Variants in UGT8 observed in about 807,000 individuals in gnomAD.
UGT8 encodes the protein 2-hydroxyacylsphingosine 1-beta-galactosyltransferase.
In UGT8, 12 loss-of-function variants were observed where a neutral mutation model predicts 40.5. The observed-to-expected ratio is 0.30, with a 90% CI of 0.19 to 0.48. The LOEUF (loss-of-function observed/expected upper bound fraction) is 0.48. Ranked by LOEUF, UGT8 falls within the 20% of genes least tolerant of loss-of-function variation. The probability of loss-of-function intolerance (pLI) is 0.99; values close to 1 mark genes in which losing one functional copy is unlikely to be tolerated. For missense variants in UGT8, 513 were observed against 648.7 expected, an observed-to-expected ratio of 0.79 and a Z score of 2.27; for synonymous variants, 224 against 240.4, an observed-to-expected ratio of 0.93 and a Z score of 0.63.
intron 2 of UGT8, among the ~76,000 whole-genome samples, chr4:114,640,252 G>A (rs1263756871): frequency 6.6e-6 from 1 of 151,268 alleles, no homozygotes; most frequent in Non-Finnish European, 1.5e-5. Flanking sequence ...GGATGGTCTC[G>A]ATCTCCTGAC....
At chr4:114,628,789 G>T (rs1732402264) in intron 2 of UGT8, among the ~76,000 whole-genome samples, 1 of 148,224 alleles carries the variant, frequency 6.7e-6, no homozygotes, top group African/African-American at 2.5e-5. Flanking sequence ...TGGGACCAGG[G>T]ACTAGACCAG....
intron 2 of UGT8, among the ~76,000 whole-genome samples, chr4:114,624,159 T>A (rs1442083511): frequency 6.6e-6 from 1 of 152,194 alleles, no homozygotes; most frequent in African/African-American, 2.4e-5. Flanking sequence ...CACTAGTTTA[T>A]GTCCAATAAT....
At chr4:114,662,063 A>C (rs562191787) in intron 2 of UGT8, among the ~76,000 whole-genome samples, 2 of 152,378 alleles carry the variant, frequency 1.3e-5, no homozygotes, top group South Asian at 4.1e-4. Flanking sequence ...GCAGAATATA[A>C]AAGTTTTAAT....
At chr4:114,645,573 G>A (rs139602004) in intron 2 of UGT8, among the ~76,000 whole-genome samples, 1 of 152,000 alleles carries the variant, frequency 6.6e-6, no homozygotes, top group African/African-American at 2.4e-5. Context: ...AATGGTAACT[G>A]TGTACTAACA....
At chr4:114,600,201 G>A in intron 1 of UGT8, among the ~76,000 whole-genome samples, 1 of 152,114 alleles carries the variant, frequency 6.6e-6, no homozygotes, top group South Asian at 2.1e-4. Flanking sequence ...TTATGAGCCA[G>A]TGTTAGCAGT....
intron 5 of UGT8, among the ~76,000 whole-genome samples, chr4:114,671,972 T>C (rs1299348739): frequency 6.6e-6 from 1 of 152,144 alleles, no homozygotes; most frequent in Non-Finnish European, 1.5e-5. Flanking sequence ...TAAACATATT[T>C]ACAAGAAGTA....
chr4:114,599,730 G>C (rs1730326168), intron 1 of UGT8, among the ~76,000 whole-genome samples: 1 of 152,184 alleles, frequency 6.6e-6, no homozygotes. Flanking sequence ...AGAAGGACGC[G>C]CTGCTGGCAA....
At chr4:114,669,397 T>C (rs1735095554) in intron 5 of UGT8, among the ~76,000 whole-genome samples, 1 of 101,388 alleles carries the variant, frequency 9.9e-6, no homozygotes, top group Non-Finnish European at 2.4e-5. Flanking sequence ...TATATATATA[T>C]ATATATATAT....
At chr4:114,663,015 G>A (rs1286274108) in intron 2 of UGT8, among the ~76,000 whole-genome samples, 1 of 151,496 alleles carries the variant, frequency 6.6e-6, no homozygotes, top group African/African-American at 2.4e-5. Context: ...AGCAGAGACG[G>A]GGTTTCACCA....
intron 2 of UGT8, among the ~76,000 whole-genome samples, chr4:114,646,809 A>G (rs546602959): frequency 6.6e-6 from 1 of 152,308 alleles, no homozygotes; most frequent in African/African-American, 2.4e-5. Flanking sequence ...TTTTGTTTCA[A>G]TTTGGTCAAA....
chr4:114,602,613 G>C (rs573633476), intron 1 of UGT8, among the ~76,000 whole-genome samples: 1 of 152,296 alleles, frequency 6.6e-6, no homozygotes, highest in South Asian at 2.1e-4. Flanking sequence ...TTAAGGCCCT[G>C]GGAGGGCTCT....
Position 114,665,115 on chromosome 4 carries a change from A to G in UGT8, c.966-565A>G, listed in dbSNP as rs75437362. Among the ~76,000 whole-genome samples the G allele has an allele frequency of 7.4e-4, 112 of 152,278 alleles. 1 individual carries two copies. Among genetic ancestry groups the G allele is most frequent in the African/African-American group, 2.4e-3 (100 of 41,562 alleles). On this transcript the variant is annotated intron_variant, in intron 3 of 5. Coordinates refer to ENST00000310836, the MANE Select transcript of UGT8 (RefSeq NM_001128174.3). ...ATTCAGACTCTTTTGTCACCCTCTT[A>G]GTTGTTAAGCATATTTCTGTTTTAT...
At chr4:114,600,407 A>G (rs989209409) in intron 1 of UGT8, among the ~76,000 whole-genome samples, 2 of 152,196 alleles carry the variant, frequency 1.3e-5, no homozygotes, top group Non-Finnish European at 2.9e-5. Flanking sequence ...TTTCATGTTC[A>G]AAAACGTCTA....
chr4:114,649,860 T>C (rs1267477806), intron 2 of UGT8, among the ~76,000 whole-genome samples: 2 of 152,122 alleles, frequency 1.3e-5, no homozygotes, highest in Non-Finnish European at 2.9e-5. Flanking sequence ...TTTCATCTTA[T>C]GTCTTTTATA....
Position 114,668,086 on chromosome 4 carries a change from G to A in UGT8, c.1044G>A (p.Gly348=). Residue 348 remains glycine, a splice_region_variant and synonymous_variant, in exon 5 of 6, where the codon GGG becomes GGA. Transcript: ENST00000310836. ...GTTTTCTTTTTCATCTTTCTTCAGG[G>A]CATTCAAAGATTAAAGCCTTCCTGA... ...IEWLPQNDLL[G]HSKIKAFLSH... 9 of 1,612,874 alleles carry A rather than the reference G, an allele frequency of 5.6e-6. No individual in the cohort carries two copies. Among genetic ancestry groups the A allele is most frequent in the Non-Finnish European group, 7.6e-6 (9 of 1,179,296 alleles).
chr4:114,673,369 C>T (rs1487519638), intron 5 of UGT8, among the ~76,000 whole-genome samples: 6 of 152,152 alleles, frequency 3.9e-5, no homozygotes, highest in Non-Finnish European at 7.4e-5. Context: ...CTCCTCTGAA[C>T]AGAATAGTCA....
chr4:114,668,096 A>C lies in UGT8; in HGVS notation c.1054A>C (p.Ile352Leu). The C allele has an allele frequency of 6.2e-7, 1 of 1,613,570 alleles. No individual in the cohort carries two copies. The highest frequency in any genetic ancestry group is 8.5e-7 in the Non-Finnish European group (1 of 1,179,592). The change falls in exon 5 of 6, where the codon ATT becomes CTT. Residue 352 changes from isoleucine to leucine, a missense_variant. This residue lies in a region of UGT8 where 335 missense variants were observed against 444.8 expected (regional missense o/e 0.75). Transcript: ENST00000310836. ...TCATCTTTCTTCAGGGCATTCAAAG[A>C]TTAAAGCCTTCCTGAGCCATGGTGG... ...PQNDLLGHSK[I>L]KAFLSHGGLN...
intron 2 of UGT8, among the ~76,000 whole-genome samples, chr4:114,649,347 A>C (rs998535522): frequency 6.6e-6 from 1 of 152,162 alleles, no homozygotes; most frequent in Non-Finnish European, 1.5e-5. Context: ...ATTTATTTGA[A>C]GTCTCCTGTT....
chr4:114,623,241 C>A lies in UGT8; in HGVS notation c.361C>A (p.His121Asn). Residue 121 changes from histidine (H) to asparagine (N), a missense_variant, in exon 2 of 6, where the codon CAT becomes AAT. Around this residue, in one of 3 missense-constraint regions of UGT8, gnomAD observed 335 missense variants for 444.8 expected, o/e 0.75. Transcript: ENST00000310836. The stretch of plus-strand genomic sequence containing the variant: ...GAACTGTGACCTGATGGTTGGCAAC[C>A]ATGCCCTGATCCAGGGTCTGAAGAA... The part of the protein sequence containing the change: ...TKNCDLMVGN[H>N]ALIQGLKKEK... 1 of 1,614,158 alleles carries A rather than the reference C, an allele frequency of 6.2e-7. No individual in the cohort carries two copies. Among genetic ancestry groups the A allele is most frequent in the Non-Finnish European group, 8.5e-7 (1 of 1,180,034 alleles).
Sources: gnomAD v4.1 joint callset for allele counts (sites outside exome capture counted in the v4.1 genomes callset) on GRCh38, gnomAD v4.1.1 for gene constraint, gnomAD v4.1.1 regional missense constraint, MANE v1.5 for transcripts, NCBI Gene and HGNC (gene_info 2026-07-23, HGNC 2026-07-21) for gene names.